MCCC1: variants seen among roughly 807,000 people sequenced by gnomAD.
MCCC1 encodes methylcrotonyl-CoA carboxylase subunit 1, also known as methylcrotonoyl-CoA carboxylase subunit alpha, mitochondrial.
In MCCC1, 64 loss-of-function variants were observed where a neutral mutation model predicts 83.8. The ratio of observed to expected loss-of-function variants is 0.76; its 90% CI spans 0.62 to 0.94. The LOEUF is 0.94. Ranked by LOEUF, MCCC1 falls within the 40% of genes least tolerant of loss-of-function variation. The probability of loss-of-function intolerance (pLI) is 0.00; values close to 1 mark genes in which losing one functional copy is unlikely to be tolerated. For synonymous variants in MCCC1, 322 were observed against 315.4 expected, an observed-to-expected ratio of 1.02 and a Z score of -0.22; for missense variants, 807 against 904.7, an observed-to-expected ratio of 0.89 and a Z score of 1.39.
In MCCC1 at chr3:183,034,091, A is replaced by T; in HGVS notation, c.1595-14T>A. Reference sequence around the variant, plus strand: ...GAGAGAATTGATCTAGAAAAAATTTAAAATTCAGTAACAAACTTATGAGTA... The same window carrying T: ...GAGAGAATTGATCTAGAAAAAATTTTAAATTCAGTAACAAACTTATGAGTA... On this transcript the variant is annotated splice_polypyrimidine_tract_variant and intron_variant, in intron 13 of 18. Transcript: ENST00000265594. 6.5e-7 allele frequency: 1 copy of T among 1,540,968 alleles called. No individual in the cohort carries two copies. Among genetic ancestry groups the T allele is most frequent in the Non-Finnish European group, 9.0e-7 (1 of 1,115,396 alleles).
intron 1 of MCCC1, among the ~76,000 whole-genome samples, chr3:183,104,597 C>G (rs1372354384): frequency 6.6e-6 from 1 of 152,050 alleles, no homozygotes; most frequent in Non-Finnish European, 1.5e-5. Context: ...GGGCTACTTT[C>G]CTTAATATAT....
At chr3:183,101,039 G>A (rs921961095), upstream of MCCC1, among the ~76,000 whole-genome samples, 80 of 152,250 alleles carry the variant, frequency 5.3e-4, no homozygotes, top group Non-Finnish European at 9.1e-4. Flanking sequence ...CTTAGCACCC[G>A]GGCCAGTGGC....
intron 9 of MCCC1, among the ~76,000 whole-genome samples, chr3:183,049,238 G>A (rs1423529932): frequency 6.6e-6 from 1 of 151,810 alleles, no homozygotes; most frequent in African/African-American, 2.4e-5. Context: ...AAAAATTAAA[G>A]CAAAAATTAA....
At chr3:183,094,042 TTTTTAC>T (rs1463613971) in intron 2 of MCCC1, among the ~76,000 whole-genome samples, 1 of 151,114 alleles carries the variant, frequency 6.6e-6, no homozygotes, top group Non-Finnish European at 1.5e-5. Flanking sequence ...TATTTATTTA[TTTTTAC>T]TTTTTTTTTT....
intron 9 of MCCC1, among the ~76,000 whole-genome samples, chr3:183,050,676 A>T (rs1169831457): frequency 6.8e-6 from 1 of 146,736 alleles, no homozygotes; most frequent in Admixed American, 6.8e-5. Flanking sequence ...ATTGCATTCC[A>T]GCCTGGGAGA....
intron 2 of MCCC1, among the ~76,000 whole-genome samples, chr3:183,092,986 C>A (rs1167622031): frequency 1.3e-5 from 2 of 150,598 alleles, no homozygotes; most frequent in Non-Finnish European, 1.5e-5. Context: ...CTCTACCTCC[C>A]AGGGTCAAGC....
At chr3:183,030,856 A>G (rs1409549072) in intron 14 of MCCC1, among the ~76,000 whole-genome samples, 1 of 152,152 alleles carries the variant, frequency 6.6e-6, no homozygotes, top group African/African-American at 2.4e-5. Flanking sequence ...ACCCTATATC[A>G]TGTCAACAGG....
Position 183,017,291 on chromosome 3 carries a change from A to G in MCCC1, c.2024T>C (p.Met675Thr), listed in dbSNP as rs1354787415. ...GDKVKAGDSL[M>T]VMIAMKMEHT... is the part of the protein sequence containing the mutation. ...CTCCATCTTCATGGCGATCATAACC[A>G]TGAGGGAATCTCCCGCTTTCACTTT... The change falls in exon 18 of 19, where the codon ATG becomes ACG. Residue 675 changes from methionine (M) to threonine (T), a missense_variant. Met to Thr is a moderately conservative substitution (Grantham distance 81). Coordinates refer to ENST00000265594, the MANE Select transcript of MCCC1 (RefSeq NM_020166.5). 1.2e-6 allele frequency: 2 copies of G among 1,613,944 alleles called. No homozygotes were observed. Among genetic ancestry groups the G allele is most frequent in the East Asian group, 2.2e-5 (1 of 44,868 alleles).
At chr3:183,061,283 G>A (rs1348963787) in intron 7 of MCCC1, among the ~76,000 whole-genome samples, 2 of 152,092 alleles carry the variant, frequency 1.3e-5, no homozygotes, top group African/African-American at 4.8e-5. Context: ...AGGTGAAATG[G>A]GAAGACTAAA....
intron 4 of MCCC1, among the ~76,000 whole-genome samples, chr3:183,079,967 G>A (rs1301069279): frequency 6.6e-6 from 1 of 152,192 alleles, no homozygotes; most frequent in Non-Finnish European, 1.5e-5. Context: ...AATCACAGCT[G>A]GAGCAGCTGG....
At position 183,092,442 on chromosome 3, in the gene MCCC1, A is replaced by G; in HGVS notation, c.240T>C (p.Ser80=). The change falls in exon 3 of 19, where the codon AGT becomes AGC. Residue 80 remains serine, a synonymous_variant. Coordinates refer to ENST00000265594, the MANE Select transcript of MCCC1 (RefSeq NM_020166.5). ...CATGCATGGAATTTCTGTCAGCCTC[A>G]CTATAAACCGCCACAGTCTGTACAC... ...KLGVQTVAVY[S]EADRNSMHVD... 1 of 1,614,170 alleles carries G rather than the reference A, an allele frequency of 6.2e-7. No homozygotes were observed. Among genetic ancestry groups the G allele is most frequent in the South Asian group, 1.1e-5 (1 of 91,084 alleles).
intron 7 of MCCC1, among the ~76,000 whole-genome samples, chr3:183,061,849 C>T (rs1454745891): frequency 1.3e-5 from 2 of 152,180 alleles, no homozygotes; most frequent in African/African-American, 4.8e-5. Context: ...AGTTCTACCA[C>T]GATATGGTTT....
In MCCC1 at chr3:183,070,992, A is replaced by G; in HGVS notation, c.761+7T>C. On this transcript the variant is annotated splice_region_variant and intron_variant, in intron 7 of 18. Transcript: ENST00000265594. Reference sequence around the variant, plus strand: ...AACTCTGAGTCAGAAAAATAAGGCCAACCCACCTCGGTGTGTCTACAAACT... The same window carrying G: ...AACTCTGAGTCAGAAAAATAAGGCCGACCCACCTCGGTGTGTCTACAAACT... 6.2e-7 allele frequency: 1 copy of G among 1,613,414 alleles called. No individual in the cohort carries two copies. The highest frequency in any genetic ancestry group is 8.5e-7 in the Non-Finnish European group (1 of 1,179,566).
chr3:183,047,232 C>T (rs563187308), intron 9 of MCCC1, among the ~76,000 whole-genome samples: 7 of 152,286 alleles, frequency 4.6e-5, no homozygotes, highest in Admixed American at 2.0e-4. Flanking sequence ...CTTTGCCAGA[C>T]ATACTGTCCA....
chr3:183,024,806 CA>C (rs966964697), intron 15 of MCCC1, among the ~76,000 whole-genome samples: 8 of 151,780 alleles, frequency 5.3e-5, no homozygotes, highest in African/African-American at 1.9e-4. Flanking sequence ...ATCCAAAGGA[CA>C]AAAAACAGGG....
chr3:183,061,001 C>T (rs75623499), intron 7 of MCCC1, among the ~76,000 whole-genome samples: 8,561 of 152,176 alleles, frequency 0.056, 354 homozygotes, highest in East Asian at 0.1. Context: ...AAAGTGCCTG[C>T]GCTCACTGAA....
rs1043066041 is a variant in MCCC1 at position 183,086,841 on chromosome 3, T to C, written c.274-53A>G. 13 of 1,481,366 alleles carry C rather than the reference T, an allele frequency of 8.8e-6. No homozygotes were observed. In the Admixed American group the frequency reaches 1.6e-4, roughly 18 times the overall value. 91.8% of individuals were successfully genotyped at this position (1,481,366 alleles called of 1,614,324 possible). On this transcript the variant is annotated intron_variant, in intron 3 of 18. Coordinates refer to ENST00000265594, the MANE Select transcript of MCCC1 (RefSeq NM_020166.5). ...AGACTTTGTGGCTAGTACATACTCATACACTATACAGAACTGCTTCAGGGT... is the reference window on the plus strand; with the variant it reads ...AGACTTTGTGGCTAGTACATACTCACACACTATACAGAACTGCTTCAGGGT...
upstream of MCCC1, among the ~76,000 whole-genome samples, chr3:183,102,602 T>G (rs1719331258): frequency 6.6e-6 from 1 of 151,934 alleles, no homozygotes; most frequent in South Asian, 2.1e-4. Context: ...AAGAAGTGAT[T>G]GGGACCAGTG....
intron 17 of MCCC1, chr3:183,017,651 A>C: frequency 2.7e-6 from 1 of 369,604 alleles, no homozygotes; most frequent in Non-Finnish European, 5.0e-6. Context: ...TACAGCCCAA[A>C]TGCACTGGTC....
Sources: gnomAD v4.1 joint callset for allele counts (sites outside exome capture counted in the v4.1 genomes callset) on GRCh38, gnomAD v4.1.1 for gene constraint, MANE v1.5 for transcripts, NCBI Gene and HGNC (gene_info 2026-07-23, HGNC 2026-07-21) for gene names.